Variants in CDH5 observed in about 807,000 individuals in gnomAD.
CDH5 encodes cadherin 5, also known as cadherin-5.
Under a neutral mutation model 62.0 loss-of-function variants are expected in CDH5, and 28 were observed. That is an observed-to-expected ratio of 0.45 (90% confidence interval 0.33 to 0.62). The LOEUF (loss-of-function observed/expected upper bound fraction) is 0.62. CDH5 is among the 20% of genes least tolerant of loss of function. The pLI, the probability that CDH5 is intolerant of heterozygous loss-of-function variation, is 0.02. For synonymous variants in CDH5, 464 were observed against 445.8 expected (o/e 1.04, Z -0.52); for missense variants, 940 against 1,065.1 (o/e 0.88, Z 1.63).
chr16:66,379,960 A>T (rs1325026335), intron 2 of CDH5, among the ~76,000 whole-genome samples: 1 of 66,330 alleles, frequency 1.5e-5, no homozygotes, highest in African/African-American at 5.6e-5. Context: ...TGGTGATGAT[A>T]AAGGGGTAGG....
chr16:66,386,738 C>A, intron 2 of CDH5, 71 bp from the exon 3 acceptor site: 2 of 1,366,266 alleles, frequency 1.5e-6, no homozygotes, highest in Non-Finnish European at 2.0e-6. Flanking sequence ...TGTGTACACA[C>A]ACTCTCACTC....
At chr16:66,390,352 C>G in intron 5 of CDH5, 51 bp from the exon 6 acceptor site, 1 of 1,424,708 alleles carries the variant, frequency 7.0e-7, no homozygotes, top group Non-Finnish European at 9.6e-7. Flanking sequence ...AGGCAATCGC[C>G]TTGTCTATCT....
At chr16:66,399,743 T>C (rs1406195669) in intron 10 of CDH5, among the ~76,000 whole-genome samples, 1 of 152,164 alleles carries the variant, frequency 6.6e-6, no homozygotes, top group East Asian at 1.9e-4. Flanking sequence ...CCATATACAA[T>C]AGGAGGCAAG....
At chr16:66,394,861 G>T in intron 7 of CDH5, among the ~76,000 whole-genome samples, 1 of 148,840 alleles carries the variant, frequency 6.7e-6, no homozygotes, top group East Asian at 2.0e-4. Context: ...CTTTTTTGGG[G>T]GGTGGGGGGG....
chr16:66,392,401 G>C lies in CDH5; in HGVS notation c.1217+18G>C, dbSNP rs747840566. On this transcript the variant is annotated intron_variant, in intron 7 of 11. Coordinates refer to ENST00000341529, the MANE Select transcript of CDH5 (RefSeq NM_001795.5). ...AGCATTGGGTAAGGGGGCGTGTGTCGATGAGAATGATAAGGACAATCCGGC... is the reference window on the plus strand; with the variant it reads ...AGCATTGGGTAAGGGGGCGTGTGTCCATGAGAATGATAAGGACAATCCGGC... The C allele has an allele frequency of 1.9e-6, 3 of 1,613,578 alleles. No homozygotes were observed. The highest frequency in any genetic ancestry group is 2.5e-6 in the Non-Finnish European group (3 of 1,179,750).
intron 2 of CDH5, among the ~76,000 whole-genome samples, chr16:66,381,198 G>A (rs896881049): frequency 6.6e-6 from 1 of 152,082 alleles, no homozygotes; most frequent in Non-Finnish European, 1.5e-5. Context: ...CTTCTCTCAG[G>A]CTATCCCTGG....
Position 66,379,476 on chromosome 16 carries a change from A to C in CDH5, c.139A>C (p.Arg47=). ...SLLPTHRRQK[R]DWIWNQMHID... ...GCTGCCCACCCACCGGCGCCAAAAG[A>C]GAGATTGGATTTGGAACCAGATGCA... The change falls in exon 2 of 12, where the codon AGA becomes CGA. Residue 47 remains arginine (R), a synonymous_variant. Transcript: ENST00000341529. 1 of 1,614,214 alleles carries C rather than the reference A, an allele frequency of 6.2e-7. No individual in the cohort carries two copies. The highest frequency in any genetic ancestry group is 8.5e-7 in the Non-Finnish European group (1 of 1,180,028).
chr16:66,388,234 C>A (rs530930347), intron 3 of CDH5, 90 bp from the exon 4 acceptor site: 138 of 810,416 alleles, frequency 1.7e-4, no homozygotes, highest in Non-Finnish European at 2.9e-4. Flanking sequence ...GGGGACAGAG[C>A]ACAGCCTGAG....
chr16:66,368,594 C>T (rs1960629598), intron 1 of CDH5, among the ~76,000 whole-genome samples: 1 of 152,212 alleles, frequency 6.6e-6, no homozygotes, highest in African/African-American at 2.4e-5. Flanking sequence ...TCATTTTGCC[C>T]ACATGGACCC....
chr16:66,399,629 T>C (rs909413739), intron 10 of CDH5, among the ~76,000 whole-genome samples: 7 of 152,062 alleles, frequency 4.6e-5, no homozygotes, highest in African/African-American at 1.7e-4. Flanking sequence ...TAGAAGTAAA[T>C]AATGTGGCAA....
At chr16:66,402,288 C>T (rs1026674470) in intron 11 of CDH5, among the ~76,000 whole-genome samples, 3 of 151,284 alleles carry the variant, frequency 2.0e-5, no homozygotes, top group African/African-American at 7.3e-5. Flanking sequence ...ATCCAAGACC[C>T]TCACATAGCC....
chr16:66,398,628 A>G (rs1567468484), intron 10 of CDH5, 67 bp downstream of exon 10: 4 of 812,360 alleles, frequency 4.9e-6, no homozygotes, highest in Non-Finnish European at 6.4e-6. Context: ...GCTACTCAGG[A>G]GGCTGAGGCA....
Position 66,396,167 on chromosome 16 carries a change from C to A in CDH5, c.1326C>A (p.Asn442Lys). The change falls in exon 8 of 12, where the codon AAC becomes AAA. Residue 442 changes from asparagine (N) to lysine (K), a missense_variant. By Grantham distance (94) the Asn-to-Lys change is moderately conservative (BLOSUM62 0). Coordinates refer to ENST00000341529, the MANE Select transcript of CDH5 (RefSeq NM_001795.5). Reference protein sequence around the residue: ...ELDREVYPWYNLTVEAKELDS... With the variant: ...ELDREVYPWYKLTVEAKELDS... ...ACAGAGAAGTCTACCCCTGGTATAA[C>A]CTGACTGTGGAGGCCAAAGAACTGG... 2 of 1,614,200 alleles carry A rather than the reference C, an allele frequency of 1.2e-6. No homozygotes were observed. Among genetic ancestry groups the A allele is most frequent in the Non-Finnish European group, 1.7e-6 (2 of 1,180,018 alleles).
At chr16:66,392,417 A>G in intron 7 of CDH5, 34 bp downstream of exon 7, 1 of 1,611,294 alleles carries the variant, frequency 6.2e-7, no homozygotes. Context: ...AATGATAAGG[A>G]CAATCCGGCC....
In CDH5 at chr16:66,379,545, A is replaced by G; in HGVS notation, c.208A>G (p.Lys70Glu). ...KNTSLPHHVG[K>E]IKSSVSRKNA... ...CACCTCACTTCCCCATCATGTAGGC[A>G]AGGTAAGGCTCAAGCCCCAGGACAG... Residue 70 changes from lysine (K) to glutamate (E), a missense_variant and splice_region_variant, in exon 2 of 12, where the codon AAG becomes GAG. Transcript: ENST00000341529. The G allele has an allele frequency of 6.2e-7, 1 of 1,614,070 alleles. No individual in the cohort carries two copies. The highest frequency in any genetic ancestry group is 8.5e-7 in the Non-Finnish European group (1 of 1,179,924).
chr16:66,396,472 G>A (rs1002840579), intron 8 of CDH5, among the ~76,000 whole-genome samples: 1 of 152,204 alleles, frequency 6.6e-6, no homozygotes, highest in Non-Finnish European at 1.5e-5. Context: ...CCACTGTCAT[G>A]AAACAGGCTG....
chr16:66,372,731 G>A (rs1960714884), intron 1 of CDH5, among the ~76,000 whole-genome samples: 1 of 152,130 alleles, frequency 6.6e-6, no homozygotes, highest in Admixed American at 6.6e-5. Context: ...CCTCCCATGG[G>A]AGCATGGTGG....
intron 11 of CDH5, 150 bp from the exon 12 acceptor site, chr16:66,402,502 A>C: frequency 3.8e-6 from 2 of 525,044 alleles, no homozygotes; most frequent in Non-Finnish European, 6.2e-6. Flanking sequence ...GGCCAAAAGG[A>C]TGGGGTTGCA....
chr16:66,373,385 C>T (rs1242744789), intron 1 of CDH5, among the ~76,000 whole-genome samples: 1 of 151,128 alleles, frequency 6.6e-6, no homozygotes, highest in Non-Finnish European at 1.5e-5. Flanking sequence ...CCCTTCCCTG[C>T]AGCCCCCATT....
Sources: gnomAD v4.1 joint callset for allele counts (sites outside exome capture counted in the v4.1 genomes callset) on GRCh38, gnomAD v4.1.1 for gene constraint, MANE v1.5 for transcripts, NCBI Gene and HGNC (gene_info 2026-07-23, HGNC 2026-07-21) for gene names.